NDST3: variants seen among roughly 807,000 people sequenced by gnomAD.
NDST3 encodes the protein N-deacetylase and N-sulfotransferase 3, also known as bifunctional heparan sulfate N-deacetylase/N-sulfotransferase 3.
Under a neutral mutation model 96.1 loss-of-function variants are expected in NDST3, and 58 were observed. The observed-to-expected ratio is 0.60, with a 90% CI of 0.49 to 0.75. The LOEUF is 0.75. NDST3 is among the 30% of genes least tolerant of loss of function. The pLI is 0.00. For missense variants in NDST3, 788 were observed against 1,034.2 expected, an observed-to-expected ratio of 0.76 and a Z score of 3.27; for synonymous variants, 333 against 359.7, an observed-to-expected ratio of 0.93 and a Z score of 0.84.
intron 2 of NDST3, among the ~76,000 whole-genome samples, chr4:118,091,245 C>T (rs1447365488): frequency 6.6e-6 from 1 of 151,618 alleles, no homozygotes; most frequent in Non-Finnish European, 1.5e-5. Flanking sequence ...CCACAGCACA[C>T]AATTTACCCA....
chr4:118,230,933 A>C (rs1740242119), intron 8 of NDST3, among the ~76,000 whole-genome samples: 1 of 152,158 alleles, frequency 6.6e-6, no homozygotes, highest in South Asian at 2.1e-4. Context: ...GTAAATATTA[A>C]AGAAAGCTTA....
chr4:118,200,354 T>C (rs1737992042), intron 6 of NDST3, among the ~76,000 whole-genome samples: 1 of 152,214 alleles, frequency 6.6e-6, no homozygotes, highest in Admixed American at 6.5e-5. Flanking sequence ...CAGGGAGTAC[T>C]GCCAGACTAC....
intron 6 of NDST3, among the ~76,000 whole-genome samples, chr4:118,161,817 G>A (rs956831555): frequency 6.6e-6 from 1 of 152,180 alleles, no homozygotes; most frequent in Admixed American, 6.5e-5. Flanking sequence ...CTGATCCCTT[G>A]AGCTTCCCGA....
chr4:118,146,459 T>C (rs1045299393), intron 6 of NDST3, among the ~76,000 whole-genome samples: 4 of 152,188 alleles, frequency 2.6e-5, no homozygotes, highest in Non-Finnish European at 5.9e-5. Flanking sequence ...GTCAACATAA[T>C]ATCAAGGTGC....
intron 2 of NDST3, among the ~76,000 whole-genome samples, chr4:118,078,050 C>T (rs577696315): frequency 3.9e-4 from 59 of 152,256 alleles, no homozygotes; most frequent in African/African-American, 1.3e-3. Context: ...GGGGATGGAG[C>T]GGGCATGGAG....
At chr4:118,130,467 C>A (rs1560665110) in intron 4 of NDST3, among the ~76,000 whole-genome samples, 1 of 152,130 alleles carries the variant, frequency 6.6e-6, no homozygotes, top group Non-Finnish European at 1.5e-5. Context: ...TTAATTTCAT[C>A]AACTCACTTT....
chr4:118,045,433 T>A (rs149012301), intron 1 of NDST3, among the ~76,000 whole-genome samples: 1 of 152,350 alleles, frequency 6.6e-6, no homozygotes, highest in East Asian at 1.9e-4. Context: ...TTCAGTCTGC[T>A]GAACATTTAT....
In NDST3 at chr4:118,207,185, AC is replaced by A. The variant is rs1738492327; in HGVS notation, c.1540-17305del. 4.6e-5 allele frequency among the ~76,000 whole-genome samples: 5 copies of A among 108,412 alleles called. 1 individual carries two copies. The highest frequency in any genetic ancestry group is 1.1e-4 in the African/African-American group (4 of 35,700). The allele number at this position is 108,412 out of a possible 152,430, so 71.1% of individuals were successfully genotyped here. A position where few individuals can be genotyped will look rare whatever the true frequency, so the allele number is the denominator to read the frequency against. ...CACACACACACACACACACACACAC[AC>A]ACACAAATTATATCTGTGGCTTCTT... On this transcript the variant is annotated intron_variant, in intron 6 of 13. Transcript: ENST00000296499.
intron 4 of NDST3, among the ~76,000 whole-genome samples, chr4:118,127,270 G>C (rs1732185708): frequency 6.6e-6 from 1 of 151,980 alleles, no homozygotes; most frequent in African/African-American, 2.4e-5. Context: ...TTTTTGCCAA[G>C]ACCAATGTCT....
At chr4:118,242,256 G>A in intron 12 of NDST3, 107 bp downstream of exon 12, 2 of 633,992 alleles carry the variant, frequency 3.2e-6, no homozygotes, top group Non-Finnish European at 5.4e-6. Flanking sequence ...CTTATATACT[G>A]GTTATTTTTC....
chr4:118,064,599 T>C (rs140877008), intron 2 of NDST3, among the ~76,000 whole-genome samples: 268 of 152,254 alleles, frequency 1.8e-3, no homozygotes, highest in African/African-American at 6.2e-3. Flanking sequence ...CTTAAAAGAT[T>C]ATATGCTTTC....
intron 2 of NDST3, among the ~76,000 whole-genome samples, chr4:118,084,310 C>A (rs1203996330): frequency 1.3e-5 from 2 of 151,882 alleles, no homozygotes; most frequent in Non-Finnish European, 2.9e-5. Context: ...CTATATGTAT[C>A]CCATAACATC....
chr4:118,198,475 C>A (rs1444022647), intron 6 of NDST3, among the ~76,000 whole-genome samples: 1 of 152,082 alleles, frequency 6.6e-6, no homozygotes, highest in Non-Finnish European at 1.5e-5. Context: ...TGTGCCCCTG[C>A]TTTAAGTTTT....
At chr4:118,238,163 GAAAGAAAGAAA>G (rs765561830) in intron 10 of NDST3, among the ~76,000 whole-genome samples, 2,865 of 37,850 alleles carry the variant, frequency 0.076, 99 homozygotes, top group Middle Eastern at 0.1. Context: ...AGAAAAGAAA[GAAAGAAAGAAA>G]GAAAGAAAGA....
At chr4:118,161,314 G>T (rs946771766) in intron 6 of NDST3, among the ~76,000 whole-genome samples, 2 of 152,326 alleles carry the variant, frequency 1.3e-5, no homozygotes, top group East Asian at 1.9e-4. Flanking sequence ...CTGCTCGGGG[G>T]TCAGGGTCAG....
chr4:118,155,645 A>G (rs2125919543), intron 6 of NDST3, among the ~76,000 whole-genome samples: 1 of 152,290 alleles, frequency 6.6e-6, no homozygotes, highest in Middle Eastern at 3.4e-3. Context: ...GGCCAGAAAT[A>G]TGTCATAGGA....
intron 2 of NDST3, among the ~76,000 whole-genome samples, chr4:118,071,072 G>T (rs1297930936): frequency 6.6e-6 from 1 of 151,964 alleles, no homozygotes. Context: ...TTTTATGGCT[G>T]CATAGTATTC....
chr4:118,052,734 C>G (rs1483012118), intron 1 of NDST3, among the ~76,000 whole-genome samples: 1 of 151,920 alleles, frequency 6.6e-6, no homozygotes, highest in Non-Finnish European at 1.5e-5. Context: ...ATACTCTTAA[C>G]AGTAAATCTG....
At chr4:118,104,484 T>C (rs923686616) in intron 2 of NDST3, among the ~76,000 whole-genome samples, 1 of 152,218 alleles carries the variant, frequency 6.6e-6, no homozygotes, top group Non-Finnish European at 1.5e-5. Flanking sequence ...ATTTTATTAG[T>C]CTGTTTTTTA....
Sources: allele counts gnomAD v4.1 joint callset (sites outside exome capture counted in the v4.1 genomes callset), GRCh38; gene constraint gnomAD v4.1.1; transcripts MANE v1.5; gene names NCBI Gene and HGNC (gene_info 2026-07-23, HGNC 2026-07-21).